Variants in NRG3 observed in about 807,000 individuals in gnomAD.
NRG3 encodes the protein neuregulin 3.
In NRG3, 31 loss-of-function variants were observed where a neutral mutation model predicts 66.9. That is an observed-to-expected ratio of 0.46 (90% CI 0.35 to 0.63). NRG3 has a LOEUF of 0.63. Among genes scored for constraint, NRG3 ranks in the 20% least tolerant of loss-of-function variants. NRG3 has a pLI of 0.00. For synonymous variants in NRG3, 393 were observed against 359.4 expected (o/e 1.09, Z -1.06); for missense variants, 910 against 878.9 (o/e 1.04, Z -0.45).
chr10:81,985,412 T>G (rs747757595), intron 1 of NRG3, among the ~76,000 whole-genome samples: 19 of 152,196 alleles, frequency 1.2e-4, no homozygotes, highest in Admixed American at 7.2e-4. Context: ...GATGGTGGTG[T>G]TCTTATTTTT....
chr10:82,566,036 A>G (rs1234041704), intron 2 of NRG3, among the ~76,000 whole-genome samples: 6 of 152,086 alleles, frequency 3.9e-5, no homozygotes, highest in Non-Finnish European at 7.4e-5. Flanking sequence ...CGTCTTCCAT[A>G]AAATGTTTTT....
intron 2 of NRG3, among the ~76,000 whole-genome samples, chr10:82,490,861 A>G (rs1843032540): frequency 1.3e-5 from 2 of 152,142 alleles, no homozygotes; most frequent in South Asian, 4.1e-4. Flanking sequence ...TTTAAAATAA[A>G]TAATAAAAAA....
At chr10:82,203,273 A>C (rs2074941221) in intron 1 of NRG3, among the ~76,000 whole-genome samples, 1 of 152,182 alleles carries the variant, frequency 6.6e-6, no homozygotes, top group South Asian at 2.1e-4. Context: ...TACTCATTGG[A>C]AATGAGTATT....
intron 1 of NRG3, among the ~76,000 whole-genome samples, chr10:82,195,283 C>T (rs545790879): frequency 2.0e-5 from 3 of 152,148 alleles, no homozygotes; most frequent in African/African-American, 7.2e-5. Context: ...TCCATGGACA[C>T]GTGCAGTTGA....
rs189158563 is a variant in NRG3 at position 82,959,835 on chromosome 10, A to G, written c.1284+760A>G. On this transcript the variant is annotated intron_variant, in intron 6 of 8. Coordinates refer to ENST00000372141, the MANE Select transcript of NRG3 (RefSeq NM_001010848.4). Reference sequence around the variant, plus strand: ...TTGCCTCTTACACTTTTTGTAAGGCAGTTTTAACCATTACTGAGGTATATT... The same window carrying G: ...TTGCCTCTTACACTTTTTGTAAGGCGGTTTTAACCATTACTGAGGTATATT... Among the ~76,000 whole-genome samples, 11 of 152,338 alleles carry G rather than the reference A, an allele frequency of 7.2e-5. No homozygotes were observed. The East Asian group carries it at 2.1e-3, about 29-fold the overall frequency.
intron 2 of NRG3, among the ~76,000 whole-genome samples, chr10:82,383,457 T>C (rs1452144827): frequency 6.6e-6 from 1 of 152,010 alleles, no homozygotes; most frequent in Non-Finnish European, 1.5e-5. Flanking sequence ...TAGCATTGAC[T>C]CATTTTTGTG....
At chr10:82,689,675 T>G (rs2054777370) in intron 2 of NRG3, among the ~76,000 whole-genome samples, 2 of 152,230 alleles carry the variant, frequency 1.3e-5, no homozygotes, top group Admixed American at 1.3e-4. Context: ...TACTCAATTA[T>G]GTACTTTTCA....
chr10:81,876,295 C>T, intron 1 of NRG3, 132 bp downstream of exon 1: 1 of 1,280,182 alleles, frequency 7.8e-7, no homozygotes, highest in Admixed American at 2.7e-5. Flanking sequence ...AGAGTGAGAG[C>T]TGATTAAAAC....
At chr10:82,100,531 G>C (rs994564924) in intron 1 of NRG3, among the ~76,000 whole-genome samples, 4 of 151,958 alleles carry the variant, frequency 2.6e-5, no homozygotes, top group Admixed American at 2.6e-4. Context: ...TTTTCTTTTG[G>C]TGTGAGTTGC....
chr10:81,975,260 A>G (rs1354095758), intron 1 of NRG3, among the ~76,000 whole-genome samples: 1 of 152,156 alleles, frequency 6.6e-6, no homozygotes, highest in Non-Finnish European at 1.5e-5. Context: ...AGTTGAGAGG[A>G]CAATGCAAAC....
intron 1 of NRG3, among the ~76,000 whole-genome samples, chr10:81,882,442 A>G (rs1200920164): frequency 6.6e-6 from 1 of 152,156 alleles, no homozygotes; most frequent in Non-Finnish European, 1.5e-5. Flanking sequence ...ATATATATTT[A>G]TAAACAATAT....
chr10:82,880,066 C>A (rs548848368), intron 4 of NRG3, among the ~76,000 whole-genome samples: 1 of 146,568 alleles, frequency 6.8e-6, no homozygotes, highest in South Asian at 2.2e-4. Context: ...TTCAAGCACT[C>A]ACCAGTTAGG....
intron 1 of NRG3, among the ~76,000 whole-genome samples, chr10:82,068,477 G>A (rs980410387): frequency 9.9e-5 from 15 of 152,208 alleles, no homozygotes; most frequent in African/African-American, 3.6e-4. Context: ...CCCTTGAGAA[G>A]CGTACAGCTT....
chr10:82,033,581 G>A (rs1696832563), intron 1 of NRG3, among the ~76,000 whole-genome samples: 2 of 152,038 alleles, frequency 1.3e-5, no homozygotes, highest in African/African-American at 4.8e-5. Flanking sequence ...CATAGTATTT[G>A]TATAGTGTTA....
intron 1 of NRG3, among the ~76,000 whole-genome samples, chr10:82,206,640 G>A (rs1470034646): frequency 6.6e-6 from 1 of 152,166 alleles, no homozygotes. Context: ...TGGGCTGGCT[G>A]TAATATTTGC....
chr10:82,549,946 A>G (rs2044192103), intron 2 of NRG3, among the ~76,000 whole-genome samples: 1 of 152,138 alleles, frequency 6.6e-6, no homozygotes, highest in African/African-American at 2.4e-5. Context: ...GAGAGTATGG[A>G]TTAGAAGAGA....
At chr10:82,535,023 T>G (rs1847673973) in intron 2 of NRG3, among the ~76,000 whole-genome samples, 1 of 150,702 alleles carries the variant, frequency 6.6e-6, no homozygotes, top group African/African-American at 2.4e-5. Context: ...GGCATGGTGG[T>G]GCGCCTCTGT....
At chr10:82,476,628 C>G (rs1841810144) in intron 2 of NRG3, among the ~76,000 whole-genome samples, 1 of 152,102 alleles carries the variant, frequency 6.6e-6, no homozygotes, top group South Asian at 2.1e-4. Context: ...CTGAATGGCT[C>G]TCCTTATATG....
intron 2 of NRG3, among the ~76,000 whole-genome samples, chr10:82,503,164 T>C (rs1844360314): frequency 6.6e-6 from 1 of 152,244 alleles, no homozygotes; most frequent in Admixed American, 6.5e-5. Context: ...CAAAATGATA[T>C]AAGTGAAACA....
Sources: allele counts gnomAD v4.1 joint callset (sites outside exome capture counted in the v4.1 genomes callset), GRCh38; gene constraint gnomAD v4.1.1; transcripts MANE v1.5; gene names NCBI Gene and HGNC (gene_info 2026-07-23, HGNC 2026-07-21).